RTF1: variants seen among roughly 807,000 people sequenced by gnomAD.
The protein encoded by RTF1 is RNA polymerase-associated protein RTF1 homolog.
Under a neutral mutation model 95.7 loss-of-function variants are expected in RTF1, and 10 were observed. The observed-to-expected ratio is 0.10, with a 90% confidence interval of 0.06 to 0.18. RTF1 has a LOEUF of 0.18. RTF1 is among the 10% of genes least tolerant of loss of function. RTF1 has a pLI of 1.00. For missense variants in RTF1, 458 were observed against 875.6 expected, an observed-to-expected ratio of 0.52 and a Z score of 6.02; for synonymous variants, 305 against 311.8, an observed-to-expected ratio of 0.98 and a Z score of 0.23.
intron 2 of RTF1, among the ~76,000 whole-genome samples, chr15:41,446,219 G>A (rs2050761080): frequency 6.6e-6 from 1 of 152,058 alleles, no homozygotes; most frequent in African/African-American, 2.4e-5. Flanking sequence ...ATGTTACAGG[G>A]TCTTAGAGAT....
Position 41,457,691 on chromosome 15 carries a change from C to A in RTF1, c.477C>A (p.Asp159Glu). ...APEEGEVSDSDSNSSSSSSDS... is the reference protein window; with the variant it reads ...APEEGEVSDSESNSSSSSSDS... ...TTGCAGGTGAAGTGTCAGACTCTGA[C>A]AGCAACAGCTCCTCTTCCAGTTCAG... Residue 159 changes from aspartate (D) to glutamate (E), a missense_variant, in exon 4 of 18, where the codon GAC (aspartate) becomes GAA (glutamate). Coordinates refer to ENST00000389629, the MANE Select transcript of RTF1 (RefSeq NM_015138.5). 2.5e-6 allele frequency: 4 copies of A among 1,614,100 alleles called. No individual in the cohort carries two copies. Among genetic ancestry groups the A allele is most frequent in the Non-Finnish European group, 3.4e-6 (4 of 1,180,034 alleles).
chr15:41,427,621 A>G (rs946792191), intron 1 of RTF1, among the ~76,000 whole-genome samples: 1 of 152,122 alleles, frequency 6.6e-6, no homozygotes, highest in African/African-American at 2.4e-5. Context: ...TTGAGGCTGC[A>G]GAGAGCCATG....
rs1385553614 is a variant in RTF1, at chr15:41,482,964, A to G, written c.*2277A>G. 1.3e-5 allele frequency: 2 copies of G among 152,628 alleles called. No individual in the cohort carries two copies. The highest frequency in any genetic ancestry group is 2.9e-5 in the Non-Finnish European group (2 of 68,042). The allele number at this position is 152,628 out of a possible 1,614,324, so 9.5% of individuals were successfully genotyped here. On this transcript the variant is annotated 3_prime_UTR_variant, in exon 18 of 18. Coordinates refer to ENST00000389629, the MANE Select transcript of RTF1 (RefSeq NM_015138.5). ...GATTACATTATGGCTGTGTAATAAA[A>G]TTTTTATTAAAACTGCATCACACTG...
chr15:41,440,968 CTTTTT>C (rs55996061), intron 2 of RTF1, among the ~76,000 whole-genome samples: 1 of 115,428 alleles, frequency 8.7e-6, no homozygotes, highest in Admixed American at 9.5e-5. Flanking sequence ...CTAGTCCCCT[CTTTTT>C]TTTTTTTTTT....
In RTF1 at chr15:41,461,356, AT is replaced by A. The variant is rs537108069; in HGVS notation, c.663-3411del. Among the ~76,000 whole-genome samples, 18 of 150,832 alleles carry A rather than the reference AT, an allele frequency of 1.2e-4. No individual in the cohort carries two copies. The East Asian group carries it at 3.2e-3, about 27-fold the overall frequency. On this transcript the variant is annotated intron_variant, in intron 4 of 17. Transcript: ENST00000389629. ...GCCACTGTGCCTGGCCAATTTTTGT[AT>A]TTTAAGTAGAGACAGGGTTTCACTA...
chr15:41,471,394 A>C (rs914121585), intron 8 of RTF1, 45 bp downstream of exon 8: 2 of 1,563,696 alleles, frequency 1.3e-6, no homozygotes, highest in Non-Finnish European at 8.7e-7. Context: ...TTTCAGTATA[A>C]TTAGTCTCAA....
intron 1 of RTF1, among the ~76,000 whole-genome samples, chr15:41,420,229 C>T (rs2050593617): frequency 6.6e-6 from 1 of 152,182 alleles, no homozygotes; most frequent in African/African-American, 2.4e-5. Flanking sequence ...TCCTCCCCTT[C>T]AGCTTCTTAT....
At chr15:41,443,057 T>C (rs953596687) in intron 2 of RTF1, among the ~76,000 whole-genome samples, 3 of 152,162 alleles carry the variant, frequency 2.0e-5, no homozygotes, top group Admixed American at 2.0e-4. Flanking sequence ...CCCTCAGATT[T>C]GCTAGGACAG....
chr15:41,418,720 G>A (rs1167466421), intron 1 of RTF1, among the ~76,000 whole-genome samples: 2 of 142,846 alleles, frequency 1.4e-5, no homozygotes, highest in African/African-American at 5.3e-5. Flanking sequence ...TGAGGCAGGA[G>A]AATTCTTGAA....
intron 2 of RTF1, among the ~76,000 whole-genome samples, chr15:41,452,297 G>A (rs2050792834): frequency 6.6e-6 from 1 of 152,002 alleles, no homozygotes; most frequent in African/African-American, 2.4e-5. Context: ...TTAGCCGGGT[G>A]TGGTGGTACA....
intron 3 of RTF1, among the ~76,000 whole-genome samples, chr15:41,454,433 G>T (rs973819877): frequency 1.3e-5 from 2 of 152,008 alleles, no homozygotes; most frequent in Non-Finnish European, 2.9e-5. Flanking sequence ...AAATAAAAAA[G>T]AAATTATAGG....
intron 6 of RTF1, 26 bp from the exon 7 acceptor site, chr15:41,470,231 G>C (rs1595438938): frequency 1.9e-6 from 3 of 1,601,678 alleles, no homozygotes; most frequent in Non-Finnish European, 2.6e-6. Flanking sequence ...AGAAAACCTA[G>C]GTAAACATCT....
intron 16 of RTF1, 36 bp from the exon 17 acceptor site, chr15:41,480,178 A>T (rs1345609584): frequency 1.5e-6 from 2 of 1,338,326 alleles, no homozygotes; most frequent in Non-Finnish European, 2.2e-6. Context: ...ACTTGCATTT[A>T]TGCTCTTACC....
At chr15:41,450,185 G>T (rs993567483) in intron 2 of RTF1, among the ~76,000 whole-genome samples, 2 of 152,056 alleles carry the variant, frequency 1.3e-5, no homozygotes, top group Non-Finnish European at 2.9e-5. Flanking sequence ...AACAGAGCAA[G>T]ACCCAGTCTC....
chr15:41,464,246 C>G (rs1367766167), intron 4 of RTF1, among the ~76,000 whole-genome samples: 2 of 150,108 alleles, frequency 1.3e-5, no homozygotes, highest in Admixed American at 6.7e-5. Flanking sequence ...TATATGTTCT[C>G]TTTCTCTCTC....
At chr15:41,443,730 T>A (rs1160455494) in intron 2 of RTF1, among the ~76,000 whole-genome samples, 1 of 151,892 alleles carries the variant, frequency 6.6e-6, no homozygotes, top group Non-Finnish European at 1.5e-5. Context: ...CAAAACCCCA[T>A]CTCTACTAAA....
intron 2 of RTF1, among the ~76,000 whole-genome samples, chr15:41,443,625 G>C (rs1324852371): frequency 6.6e-6 from 1 of 151,932 alleles, no homozygotes; most frequent in Non-Finnish European, 1.5e-5. Context: ...GGCCAGCAGG[G>C]TGTGGTGGCT....
chr15:41,432,475 G>T (rs1208703538), intron 1 of RTF1, among the ~76,000 whole-genome samples: 1 of 152,018 alleles, frequency 6.6e-6, no homozygotes, highest in African/African-American at 2.4e-5. Context: ...GGGATTACAG[G>T]CGTGAGCCAC....
At chr15:41,439,905 G>A (rs1253698311) in intron 2 of RTF1, among the ~76,000 whole-genome samples, 1 of 151,974 alleles carries the variant, frequency 6.6e-6, no homozygotes, top group Non-Finnish European at 1.5e-5. Context: ...ACCTGCCTTG[G>A]CCTCCCAAAC....
Sources: gnomAD v4.1 joint callset for allele counts (sites outside exome capture counted in the v4.1 genomes callset) on GRCh38, gnomAD v4.1.1 for gene constraint, MANE v1.5 for transcripts, NCBI Gene and HGNC (gene_info 2026-07-23, HGNC 2026-07-21) for gene names.